Variants in ZNF70 observed in about 807,000 individuals in gnomAD.
The protein encoded by ZNF70 is zinc finger protein N27C7-1.
A neutral mutation model predicts 37.7 loss-of-function variants in ZNF70; 18 were observed. The ratio of observed to expected loss-of-function variants is 0.48; its 90% CI spans 0.33 to 0.71. The LOEUF (loss-of-function observed/expected upper bound fraction) is 0.71, where lower values mean the gene tolerates loss of function less well. Among genes scored for constraint, ZNF70 ranks in the 30% least tolerant of loss-of-function variants. The probability of loss-of-function intolerance (pLI) is 0.02; values close to 1 mark genes in which losing one functional copy is unlikely to be tolerated. For missense variants in ZNF70, 506 were observed against 568.6 expected (o/e 0.89, Z 1.12); for synonymous variants, 219 against 220.1 (o/e 0.99, Z 0.05).
Position 23,739,024 on chromosome 22 carries a change from C to T in ZNF70, c.*4776G>A, listed in dbSNP as rs1924798381. The T allele has an allele frequency of 6.6e-6, 1 of 152,036 alleles. No individual in the cohort carries two copies. The highest frequency in any genetic ancestry group is 2.4e-5 in the African/African-American group (1 of 41,368). 9.4% of individuals were successfully genotyped at this position (152,036 alleles called of 1,614,324 possible). On this transcript the variant is annotated 3_prime_UTR_variant, in exon 2 of 2. Coordinates refer to ENST00000341976, the MANE Select transcript of ZNF70 (RefSeq NM_021916.4). ...TAAAGACTCCTAGGCAGGCCATGGACCCCCAGATTAAGAACTCTAAAGTAA... is the reference window on the plus strand; with the variant it reads ...TAAAGACTCCTAGGCAGGCCATGGATCCCCAGATTAAGAACTCTAAAGTAA...
rs753910638 is a variant in ZNF70 at position 23,744,130 on chromosome 22, T to C, written c.1011A>G (p.Lys337=). Residue 337 remains lysine, a synonymous_variant, in exon 2 of 2, where the codon AAA becomes AAG. Coordinates refer to ENST00000341976, the MANE Select transcript of ZNF70 (RefSeq NM_021916.4). ...TGAAGGCTTTCCCACACTTCTGGCA[T>C]TTGTAGGGCTTCTCGCCAGTGTGGG... The part of the protein sequence containing the change: ...RKTHTGEKPY[K]CQKCGKAFSQ... The C allele has an allele frequency of 4.4e-6, 7 of 1,601,164 alleles. No homozygotes were observed. The highest frequency in any genetic ancestry group is 4.1e-5 in the African/African-American group (3 of 73,512).
In ZNF70 at chr22:23,738,803, A is replaced by G. The variant is rs1041901725; in HGVS notation, c.*4997T>C. 2 of 152,216 alleles carry G rather than the reference A, an allele frequency of 1.3e-5. No homozygotes were observed. Among genetic ancestry groups the G allele is most frequent in the African/African-American group, 4.8e-5 (2 of 41,454 alleles). The allele number at this position is 152,216 out of a possible 1,614,324, so 9.4% of individuals were successfully genotyped here. A position where few individuals can be genotyped will look rare whatever the true frequency, so the allele number is the denominator to read the frequency against. ...TACAGAAATTAAAAGTGAAACAGGA[A>G]TACATAGAGATATAACACACAAACA... On this transcript the variant is annotated 3_prime_UTR_variant, in exon 2 of 2. Transcript: ENST00000341976.
Position 23,744,014 on chromosome 22 carries a change from C to T in ZNF70, c.1127G>A (p.Ser376Asn). 1 of 1,614,218 alleles carries T rather than the reference C, an allele frequency of 6.2e-7. No homozygotes were observed. Among genetic ancestry groups the T allele is most frequent in the Non-Finnish European group, 8.5e-7 (1 of 1,180,044 alleles). ...TCTCTGGTGCTGGATCAGCGCAGAGCTGTGGCAAAAGGCCTTGCCACACTG... is the reference window on the plus strand; with the variant it reads ...TCTCTGGTGCTGGATCAGCGCAGAGTTGTGGCAAAAGGCCTTGCCACACTG... The part of the protein sequence containing the change: ...CCQCGKAFCH[S>N]SALIQHQRIH... The change falls in exon 2 of 2, where the codon AGC (serine) becomes AAC (asparagine). Residue 376 changes from serine to asparagine, a missense_variant. Coordinates refer to ENST00000341976, the MANE Select transcript of ZNF70 (RefSeq NM_021916.4).
In ZNF70 at chr22:23,744,928, T is replaced by C. The variant is rs142663701; in HGVS notation, c.213A>G (p.Ser71=). The C allele has an allele frequency of 2.6e-3, 4,180 of 1,614,236 alleles. 10 individuals carry two copies. The highest frequency in any genetic ancestry group is 2.9e-3 in the Non-Finnish European group (3,475 of 1,180,046). ...GGATACTTTGATGCTGAACAGGGCTTGAGCACAAACTGAAATTCCCCTCGT... is the reference window on the plus strand; with the variant it reads ...GGATACTTTGATGCTGAACAGGGCTCGAGCACAAACTGAAATTCCCCTCGT... ...DDYEGNFSLC[S]SPVQHQSIPP... The change falls in exon 2 of 2, where the codon TCA becomes TCG. Residue 71 remains serine, a synonymous_variant. Transcript: ENST00000341976.
At chr22:23,745,727 G>C (rs5996607) in intron 1 of ZNF70, among the ~76,000 whole-genome samples, 16,771 of 152,042 alleles carry the variant, frequency 0.11, 1,099 homozygotes, top group East Asian at 0.33. Context: ...GCGGAGATCA[G>C]CCCACTGCAC....
Position 23,744,375 on chromosome 22 carries a change from C to T in ZNF70, c.766G>A (p.Glu256Lys), listed in dbSNP as rs778758444. ...HTGERPYQCK[E>K]CGKSFNQSSG... Reference sequence around the variant, plus strand: ...CTCTGGTTGAAGGATTTCCCACATTCCTTACACTGATAAGGTCTCTCTCCT... The same window carrying T: ...CTCTGGTTGAAGGATTTCCCACATTTCTTACACTGATAAGGTCTCTCTCCT... The change falls in exon 2 of 2, where the codon GAA becomes AAA. Residue 256 changes from glutamate (E) to lysine (K), a missense_variant. Physicochemically the swap from Glu to Lys is moderately conservative, Grantham distance 56 (BLOSUM62 1). Coordinates refer to ENST00000341976, the MANE Select transcript of ZNF70 (RefSeq NM_021916.4). 1.2e-6 allele frequency: 2 copies of T among 1,614,140 alleles called. No individual in the cohort carries two copies. The highest frequency in any genetic ancestry group is 1.7e-6 in the Non-Finnish European group (2 of 1,180,034).
chr22:23,747,219 G>A (rs561856979), intron 1 of ZNF70, among the ~76,000 whole-genome samples: 83 of 152,316 alleles, frequency 5.4e-4, no homozygotes, highest in African/African-American at 1.9e-3. Context: ...ACCAGTCTGT[G>A]GCCTGTTAGG....
rs1924949251 is a variant in ZNF70, at chr22:23,743,422, A to G, written c.*378T>C. ...CAGCCTGTTTTAAAGAGTTCTTCTG[A>G]TATTTTCCTGGGTTTAATTCAACTT... On this transcript the variant is annotated 3_prime_UTR_variant, in exon 2 of 2. Coordinates refer to ENST00000341976, the MANE Select transcript of ZNF70 (RefSeq NM_021916.4). 4.9e-6 allele frequency: 1 copy of G among 205,258 alleles called. No homozygotes were observed. Among genetic ancestry groups the G allele is most frequent in the Admixed American group, 5.2e-5 (1 of 19,342 alleles). The allele number at this position is 205,258 out of a possible 1,614,324, so 12.7% of individuals were successfully genotyped here. A position where few individuals can be genotyped will look rare whatever the true frequency, so the allele number is the denominator to read the frequency against.
chr22:23,744,343 G>T lies in ZNF70; in HGVS notation c.798C>A (p.Gly266=). ...TGTGGATCTTCCGATGCTGGCTCAG[G>T]CCTGAGCTCTGGTTGAAGGATTTCC... ...ECGKSFNQSS[G]LSQHRKIHTL... is the part of the protein sequence containing the mutation. Residue 266 remains glycine, a synonymous_variant, in exon 2 of 2, where the codon GGC becomes GGA. Transcript: ENST00000341976. The T allele has an allele frequency of 6.2e-7, 1 of 1,613,918 alleles. No homozygotes were observed. Among genetic ancestry groups the T allele is most frequent in the Non-Finnish European group, 8.5e-7 (1 of 1,179,970 alleles).
In ZNF70 at chr22:23,744,390, G is replaced by T. The variant is rs758301985; in HGVS notation, c.751C>A (p.Pro251Thr). ...TTCCCACATTCCTTACACTGATAAG[G>T]TCTCTCTCCTGTATGAATTCTCTCG... ...KHERIHTGER[P>T]YQCKECGKSF... Residue 251 changes from proline (P) to threonine (T), a missense_variant, in exon 2 of 2, where the codon CCT becomes ACT. Transcript: ENST00000341976. The T allele has an allele frequency of 1.2e-6, 2 of 1,614,030 alleles. No individual in the cohort carries two copies. The highest frequency in any genetic ancestry group is 1.3e-5 in the African/African-American group (1 of 74,900).
At chr22:23,750,627 T>C (rs1925292810) in intron 1 of ZNF70, 84 bp downstream of exon 1, 1 of 152,262 alleles carries the variant, frequency 6.6e-6, no homozygotes, top group Admixed American at 6.5e-5. Flanking sequence ...CAGAAAAAAG[T>C]TGGCAACCCT....
rs370260530 is a variant in ZNF70 at position 23,744,415 on chromosome 22, G to A, written c.726C>T (p.His242=). The A allele has an allele frequency of 3.6e-5, 58 of 1,613,932 alleles. No homozygotes were observed. The highest frequency in any genetic ancestry group is 4.0e-5 in the African/African-American group (3 of 74,864). ...DFSRSSSLRK[H]ERIHTGERPY... ...GTCTCTCTCCTGTATGAATTCTCTC[G>A]TGTTTTCTGAGGCTGGAGCTCCGGC... The change falls in exon 2 of 2, where the codon CAC becomes CAT. Residue 242 remains histidine, a synonymous_variant. Transcript: ENST00000341976.
intron 1 of ZNF70, among the ~76,000 whole-genome samples, chr22:23,746,864 G>C (rs184631332): frequency 6.6e-6 from 1 of 152,192 alleles, no homozygotes; most frequent in East Asian, 1.9e-4. Context: ...GCTGTTGTCT[G>C]GTCCTAACAG....
Position 23,739,586 on chromosome 22 carries a change from A to G in ZNF70, c.*4214T>C, listed in dbSNP as rs1216738316. On this transcript the variant is annotated 3_prime_UTR_variant, in exon 2 of 2. Transcript: ENST00000341976. ...CAGGCTTGAGCCACCGCTCCCGGCT[A>G]TTTTTTGTTTTTGTTGTTGTTGTTT... 6.9e-6 allele frequency: 1 copy of G among 145,656 alleles called. No individual in the cohort carries two copies. The allele number at this position is 145,656 out of a possible 1,614,324, so 9.0% of individuals were successfully genotyped here.
Position 23,744,294 on chromosome 22 carries a change from C to A in ZNF70, c.847G>T (p.Asp283Tyr). 2 of 1,613,862 alleles carry A rather than the reference C, an allele frequency of 1.2e-6. No homozygotes were observed. The highest frequency in any genetic ancestry group is 1.7e-6 in the Non-Finnish European group (2 of 1,179,974). ...IHTLKKPHEC[D>Y]LCGKAFCHRS... ...TGACAAAAGGCTTTCCCACAGAGAT[C>A]GCACTCGTGAGGTTTCTTTAGGGTG... Residue 283 changes from aspartate to tyrosine, a missense_variant, in exon 2 of 2, where the codon GAT (aspartate) becomes TAT (tyrosine). Coordinates refer to ENST00000341976, the MANE Select transcript of ZNF70 (RefSeq NM_021916.4).
intron 1 of ZNF70, among the ~76,000 whole-genome samples, chr22:23,746,819 C>G (rs1037105469): frequency 6.6e-6 from 1 of 152,132 alleles, no homozygotes; most frequent in Admixed American, 6.5e-5. Flanking sequence ...CCCCCCAACA[C>G]TTCTAATTTT....
chr22:23,747,373 T>G (rs186170352), intron 1 of ZNF70, among the ~76,000 whole-genome samples: 1 of 152,168 alleles, frequency 6.6e-6, no homozygotes, highest in Non-Finnish European at 1.5e-5. Flanking sequence ...GATTTGGTTG[T>G]GCACTCTTTA....
chr22:23,740,774 A>C lies in ZNF70; in HGVS notation c.*3026T>G, dbSNP rs1056283206. The C allele has an allele frequency of 6.6e-5, 10 of 151,452 alleles. No homozygotes were observed. Among genetic ancestry groups the C allele is most frequent in the African/African-American group, 2.2e-4 (9 of 40,934 alleles). 9.4% of individuals were successfully genotyped at this position (151,452 alleles called of 1,614,324 possible). A position where few individuals can be genotyped will look rare whatever the true frequency, so the allele number is the denominator to read the frequency against. On this transcript the variant is annotated 3_prime_UTR_variant, in exon 2 of 2. Transcript: ENST00000341976. ...TCTGTCTCAAAAAAAAAAAAAAAAA[A>C]AAAAAAACTAATAAAACAAGGAAAG... is the stretch of plus-strand genomic sequence containing the variant.
chr22:23,744,976 C>T lies in ZNF70; in HGVS notation c.165G>A (p.Glu55=), dbSNP rs770450350. 3.7e-6 allele frequency: 6 copies of T among 1,614,104 alleles called. No individual in the cohort carries two copies. The African/African-American group carries it at 8.0e-5, about 22-fold the overall frequency. ...CGTAATCATCATTTTCTTCGTCCTGCTCACCAAGAGGGATCTCCTTGTAGA... is the reference window on the plus strand; with the variant it reads ...CGTAATCATCATTTTCTTCGTCCTGTTCACCAAGAGGGATCTCCTTGTAGA... ...AVIYKEIPLG[E]QDEENDDYEG... is the part of the protein sequence containing the mutation. Residue 55 remains glutamate, a synonymous_variant, in exon 2 of 2, where the codon GAG becomes GAA. Coordinates refer to ENST00000341976, the MANE Select transcript of ZNF70 (RefSeq NM_021916.4).
Sources: allele counts gnomAD v4.1 joint callset (sites outside exome capture counted in the v4.1 genomes callset), GRCh38; gene constraint gnomAD v4.1.1; transcripts MANE v1.5; gene names NCBI Gene and HGNC (gene_info 2026-07-23, HGNC 2026-07-21).